The following CCDC146 variants were observed in gnomAD, a reference collection of about 807,000 sequenced individuals.
The protein encoded by CCDC146 is coiled-coil domain-containing protein 146.
A neutral mutation model predicts 119.3 loss-of-function variants in CCDC146; 92 were observed. The observed-to-expected ratio is 0.77, with a 90% confidence interval of 0.65 to 0.92. The LOEUF (loss-of-function observed/expected upper bound fraction) is 0.92. CCDC146 is among the 40% of genes least tolerant of loss of function. The pLI, the probability that CCDC146 is intolerant of heterozygous loss-of-function variation, is 0.00. For synonymous variants in CCDC146, 372 were observed against 371.8 expected (o/e 1.00, Z -0.01); for missense variants, 1,000 against 1,103.0 (o/e 0.91, Z 1.32).
intron 3 of CCDC146, among the ~76,000 whole-genome samples, chr7:77,240,557 A>G (rs1359681671): frequency 6.6e-6 from 1 of 152,252 alleles, no homozygotes; most frequent in Non-Finnish European, 1.5e-5. Context: ...ACCTAATACA[A>G]TATAAATGCT....
intron 1 of CCDC146, among the ~76,000 whole-genome samples, chr7:77,130,048 G>A (rs1315510465): frequency 3.3e-5 from 5 of 152,050 alleles, no homozygotes; most frequent in Admixed American, 3.3e-4. Context: ...GAGCCATAAA[G>A]TGCTTCCTTT....
chr7:77,263,780 CGGGTGTGCTGG>C (rs1172476497), intron 9 of CCDC146, among the ~76,000 whole-genome samples: 4 of 152,070 alleles, frequency 2.6e-5, no homozygotes, highest in African/African-American at 9.7e-5. Context: ...AAAAATTGGT[CGGGTGTGCTGG>C]TGCACACCCA....
In CCDC146 at chr7:77,262,278, C is replaced by A. The variant is rs566182739; in HGVS notation, c.1144C>A (p.Gln382Lys). The A allele has an allele frequency of 8.1e-6, 13 of 1,610,998 alleles. No homozygotes were observed. In the South Asian group the frequency reaches 1.2e-4, roughly 15 times the overall value. Residue 382 changes from glutamine (Q) to lysine (K), a missense_variant, in exon 9 of 19, where the codon CAA becomes AAA. Physicochemically the swap from Gln to Lys is moderately conservative, Grantham distance 53. Coordinates refer to ENST00000285871, the MANE Select transcript of CCDC146 (RefSeq NM_020879.3). The part of the protein sequence containing the change: ...KVSWDALRQT[Q>K]ALHQRLLLEM... ...GTCCTGGGATGCACTTAGGCAAACT[C>A]AAGCACTGCATCAAAGGCTTCTATT...
At chr7:77,188,171 T>C (rs1791701736) in intron 2 of CCDC146, among the ~76,000 whole-genome samples, 1 of 152,256 alleles carries the variant, frequency 6.6e-6, no homozygotes, top group African/African-American at 2.4e-5. Flanking sequence ...GCTGCCTGAT[T>C]CACAAATTGT....
At position 77,134,573 on chromosome 7, in the gene CCDC146, G is replaced by GTC. The variant is rs1043317661; in HGVS notation, c.-12+11842_-12+11843insCT. Among the ~76,000 whole-genome samples the GTC allele has an allele frequency of 2.5e-4, 37 of 148,736 alleles. No homozygotes were observed. In the Middle Eastern group the frequency reaches 0.014, roughly 55 times the overall value. Reference sequence around the variant, plus strand: ...TGTGTGTGTGTGTGTCTGTGTGTGTGTGTGTGTGTGTGTGTGTGTGTGTGT... The same window carrying GTC: ...TGTGTGTGTGTGTGTCTGTGTGTGTGTCTGTGTGTGTGTGTGTGTGTGTGTGT... On this transcript the variant is annotated intron_variant, in intron 1 of 18. Coordinates refer to ENST00000285871, the MANE Select transcript of CCDC146 (RefSeq NM_020879.3).
At chr7:77,133,568 T>C (rs149146671) in intron 1 of CCDC146, among the ~76,000 whole-genome samples, 4,082 of 151,876 alleles carry the variant, frequency 0.027, 175 homozygotes, top group African/African-American at 0.094. Context: ...GCCAGGCTGG[T>C]CTCGAACTCA....
intron 9 of CCDC146, 45 bp from the exon 10 acceptor site, chr7:77,273,649 A>T: frequency 6.8e-7 from 1 of 1,461,152 alleles, no homozygotes; most frequent in South Asian, 1.2e-5. Context: ...CCTCCCAAAG[A>T]TTTATTTCTT....
intron 1 of CCDC146, among the ~76,000 whole-genome samples, chr7:77,162,704 C>T (rs1791280750): frequency 6.6e-6 from 1 of 151,810 alleles, no homozygotes. Flanking sequence ...ATAGGGATTG[C>T]ATTGAACCTG....
intron 2 of CCDC146, among the ~76,000 whole-genome samples, chr7:77,211,153 T>G (rs187622458): frequency 1.4e-4 from 22 of 152,088 alleles, no homozygotes; most frequent in Non-Finnish European, 2.4e-4. Context: ...AAACATTAGC[T>G]CTCAGTAATT....
chr7:77,178,328 A>C (rs1333651407), intron 2 of CCDC146, among the ~76,000 whole-genome samples: 1 of 152,228 alleles, frequency 6.6e-6, no homozygotes, highest in Non-Finnish European at 1.5e-5. Flanking sequence ...ACAGAGAAGA[A>C]GAAAGATAAA....
chr7:77,181,430 A>T (rs1256201744), intron 2 of CCDC146, among the ~76,000 whole-genome samples: 1 of 152,174 alleles, frequency 6.6e-6, no homozygotes, highest in African/African-American at 2.4e-5. Context: ...TGAAGAAGGC[A>T]GGTGACTCAG....
intron 2 of CCDC146, among the ~76,000 whole-genome samples, chr7:77,186,033 A>G (rs543426039): frequency 1.3e-5 from 2 of 152,316 alleles, no homozygotes; most frequent in South Asian, 2.1e-4. Flanking sequence ...AGCCTCATAC[A>G]CTGTTGGTGG....
intron 2 of CCDC146, among the ~76,000 whole-genome samples, chr7:77,180,774 T>A (rs1791575429): frequency 6.6e-6 from 1 of 152,214 alleles, no homozygotes; most frequent in Admixed American, 6.5e-5. Context: ...TATGGGTTTG[T>A]GTATTTAAAA....
chr7:77,256,735 G>A (rs528514467), intron 6 of CCDC146, among the ~76,000 whole-genome samples: 2 of 152,220 alleles, frequency 1.3e-5, no homozygotes, highest in Admixed American at 6.5e-5. Context: ...CTCACCCTGC[G>A]GAAAAGGTCT....
chr7:77,167,598 A>T, intron 1 of CCDC146, 60 bp from the exon 2 acceptor site: 1 of 1,222,284 alleles, frequency 8.2e-7, no homozygotes, highest in Non-Finnish European at 1.1e-6. Context: ...TTTTCCATTA[A>T]TTTTACTTTA....
chr7:77,149,883 A>C (rs1791084854), intron 1 of CCDC146, among the ~76,000 whole-genome samples: 1 of 152,160 alleles, frequency 6.6e-6, no homozygotes, highest in African/African-American at 2.4e-5. Flanking sequence ...AACAGAATAG[A>C]GTACCAAAAT....
At chr7:77,284,066 T>C (rs1793807806) in intron 15 of CCDC146, among the ~76,000 whole-genome samples, 1 of 152,220 alleles carries the variant, frequency 6.6e-6, no homozygotes, top group African/African-American at 2.4e-5. Flanking sequence ...CCCATCAGCC[T>C]GCACACACAG....
At chr7:77,124,611 C>T (rs1434201808) in intron 1 of CCDC146, among the ~76,000 whole-genome samples, 1 of 152,122 alleles carries the variant, frequency 6.6e-6, no homozygotes, top group Non-Finnish European at 1.5e-5. Context: ...AATTATTCAC[C>T]TCATAAGTAG....
chr7:77,161,538 C>CA (rs990203624), intron 1 of CCDC146, among the ~76,000 whole-genome samples: 1 of 149,768 alleles, frequency 6.7e-6, no homozygotes, highest in Admixed American at 6.7e-5. Flanking sequence ...ATCACAAGAA[C>CA]AAAAAACCAA....
Sources: gnomAD v4.1 joint callset for allele counts (sites outside exome capture counted in the v4.1 genomes callset) on GRCh38, gnomAD v4.1.1 for gene constraint, MANE v1.5 for transcripts, NCBI Gene and HGNC (gene_info 2026-07-23, HGNC 2026-07-21) for gene names.